The following APAF1 variants were observed in gnomAD, a reference collection of about 807,000 sequenced individuals.
APAF1 encodes apoptotic protease-activating factor 1.
A neutral mutation model predicts 152.4 loss-of-function variants in APAF1; 91 were observed. That is an observed-to-expected ratio of 0.60 (90% CI 0.50 to 0.71). The LOEUF (loss-of-function observed/expected upper bound fraction) is 0.71, where lower values mean the gene tolerates loss of function less well. Ranked by LOEUF, APAF1 falls within the 30% of genes least tolerant of loss-of-function variation. APAF1 has a pLI of 0.00. For missense variants in APAF1, 1,283 were observed against 1,472.0 expected (o/e 0.87, Z 2.10); for synonymous variants, 484 against 494.1 (o/e 0.98, Z 0.27).
chr12:98,649,082 G>A, intron 3 of APAF1: 1 of 852,522 alleles, frequency 1.2e-6, no homozygotes. Flanking sequence ...ATAGGCCCTT[G>A]TTTATTTTCC....
rs1477417715 is a variant in APAF1 at position 98,662,781 on chromosome 12, T to C, written c.930T>C (p.Ala310=). ...AGAAGGCAGATTTGCCAGAACAAGC[T>C]CATAGTATTATAAAAGAATGTAAAG... ...NMKKADLPEQ[A]HSIIKECKGS... Residue 310 remains alanine (A), a synonymous_variant, in exon 7 of 27, where the codon GCT becomes GCC. Coordinates refer to ENST00000551964, the MANE Select transcript of APAF1 (RefSeq NM_181861.2). 6.2e-7 allele frequency: 1 copy of C among 1,610,396 alleles called. No individual in the cohort carries two copies. The highest frequency in any genetic ancestry group is 8.5e-7 in the Non-Finnish European group (1 of 1,178,074).
chr12:98,727,121 A>G, intron 25 of APAF1, 52 bp from the exon 26 acceptor site: 1 of 1,579,054 alleles, frequency 6.3e-7, no homozygotes, highest in Non-Finnish European at 8.7e-7. Flanking sequence ...TTTTAAAACC[A>G]GAGAAGCTTC....
intron 16 of APAF1, among the ~76,000 whole-genome samples, chr12:98,693,550 T>C (rs938752017): frequency 6.6e-6 from 1 of 152,192 alleles, no homozygotes; most frequent in African/African-American, 2.4e-5. Flanking sequence ...ATTTGTTTAG[T>C]TTTTATATGT....
At chr12:98,697,497 G>C (rs1421122342) in intron 16 of APAF1, among the ~76,000 whole-genome samples, 1 of 152,178 alleles carries the variant, frequency 6.6e-6, no homozygotes, top group East Asian at 1.9e-4. Context: ...GTCAAACTAA[G>C]ACTTCTTCAA....
In APAF1 at chr12:98,662,460, C is replaced by G. The variant is rs537644742; in HGVS notation, c.715C>G (p.Leu239Val). The change falls in exon 6 of 27, where the codon CTC (leucine) becomes GTC (valine). Residue 239 changes from leucine (L) to valine (V), a missense_variant. Physicochemically the swap from Leu to Val is conservative, Grantham distance 32. Coordinates refer to ENST00000551964, the MANE Select transcript of APAF1 (RefSeq NM_181861.2). The stretch of plus-strand genomic sequence containing the variant: ...AATATTTTTTTTTTAAATTAGGTCT[C>G]TCTTGATCTTGGATGATGTTTGGGA... Reference protein sequence around the residue: ...ILMLRKHPRSLLILDDVWDSW... With the variant: ...ILMLRKHPRSVLILDDVWDSW... 13 of 1,609,518 alleles carry G rather than the reference C, an allele frequency of 8.1e-6. No homozygotes were observed. In the Admixed American group the frequency reaches 2.2e-4, roughly 27 times the overall value.
At chr12:98,722,899 TTG>T (rs751333239) in intron 22 of APAF1, among the ~76,000 whole-genome samples, 15 of 151,444 alleles carry the variant, frequency 9.9e-5, no homozygotes, top group African/African-American at 2.5e-4. Context: ...CACTGGCATA[TTG>T]TGTGTTTTTT....
chr12:98,649,145 T>C (rs1248422040), intron 3 of APAF1: 9 of 800,730 alleles, frequency 1.1e-5, no homozygotes, highest in Admixed American at 6.2e-5. Context: ...TTTAGAAATA[T>C]ATGTTCTTGA....
At chr12:98,658,494 C>G (rs1324423656) in intron 4 of APAF1, among the ~76,000 whole-genome samples, 2 of 152,124 alleles carry the variant, frequency 1.3e-5, no homozygotes, top group African/African-American at 4.8e-5. Flanking sequence ...GGCTAGACAG[C>G]CTTATTTCAG....
At chr12:98,666,492 A>G (rs1565864332) in intron 9 of APAF1, 135 bp downstream of exon 9, 1 of 818,962 alleles carries the variant, frequency 1.2e-6, no homozygotes, top group Non-Finnish European at 1.9e-6. Flanking sequence ...TTAACATTTT[A>G]TATAACCATA....
Position 98,686,916 on chromosome 12 carries a change from A to C in APAF1, c.2304+43A>C, listed in dbSNP as rs1331106018. 4 of 1,588,424 alleles carry C rather than the reference A, an allele frequency of 2.5e-6. No individual in the cohort carries two copies. The African/African-American group carries it at 5.4e-5, about 21-fold the overall frequency. On this transcript the variant is annotated intron_variant, in intron 16 of 26. Coordinates refer to ENST00000551964, the MANE Select transcript of APAF1 (RefSeq NM_181861.2). ...ATTAAAATAGGTTGTATTTTATGGA[A>C]AGTCTTATGATTTGATTATAGAAAT...
At chr12:98,654,273 C>T (rs2097653563) in intron 4 of APAF1, among the ~76,000 whole-genome samples, 2 of 151,896 alleles carry the variant, frequency 1.3e-5, no homozygotes, top group Admixed American at 1.3e-4. Flanking sequence ...ATTTAAATGC[C>T]CTAAATTTTT....
chr12:98,671,590 T>C lies in APAF1; in HGVS notation c.1664T>C (p.Leu555Pro), dbSNP rs776028107. The stretch of plus-strand genomic sequence containing the variant: ...TTTTTATCTTTAAATGGACACCTTC[T>C]TGGACGACAGCCATTTCCTAATATT... ...QEFLSLNGHLLGRQPFPNIVQ... is the reference protein window; with the variant it reads ...QEFLSLNGHLPGRQPFPNIVQ... Residue 555 changes from leucine (L) to proline (P), a missense_variant, in exon 12 of 27, where the codon CTT becomes CCT. Leu to Pro is a moderately conservative substitution (Grantham distance 98, BLOSUM62 -3). Coordinates refer to ENST00000551964, the MANE Select transcript of APAF1 (RefSeq NM_181861.2). 4.3e-6 allele frequency: 7 copies of C among 1,613,980 alleles called. No homozygotes were observed. Among genetic ancestry groups the C allele is most frequent in the Non-Finnish European group, 1.7e-6 (2 of 1,180,032 alleles).
intron 26 of APAF1, 70 bp downstream of exon 26, chr12:98,727,386 C>A: frequency 6.4e-7 from 1 of 1,568,394 alleles, no homozygotes; most frequent in African/African-American, 1.3e-5. Context: ...ATTTTCACTT[C>A]CTGTTTCTCA....
intron 26 of APAF1, among the ~76,000 whole-genome samples, chr12:98,731,539 T>C (rs1038735032): frequency 4.6e-5 from 7 of 152,196 alleles, no homozygotes; most frequent in South Asian, 2.1e-4. Context: ...CCAAAGTCCA[T>C]TGGGTATACT....
Position 98,732,947 on chromosome 12 carries a change from T to G in APAF1, c.*381T>G, listed in dbSNP as rs2153346324. On this transcript the variant is annotated 3_prime_UTR_variant, in exon 27 of 27. Transcript: ENST00000551964. The stretch of plus-strand genomic sequence containing the variant: ...TTATTACTGTTATGCAGGCTGTGCC[T>G]CAGGGTAGCAGTGGCCTGCTTTTTG... The G allele has an allele frequency of 4.2e-6, 1 of 238,306 alleles. No homozygotes were observed. Among genetic ancestry groups the G allele is most frequent in the East Asian group, 1.3e-4 (1 of 7,920 alleles). The allele number at this position is 238,306 out of a possible 1,614,324, so 14.8% of individuals were successfully genotyped here. A position where few individuals can be genotyped will look rare whatever the true frequency, so the allele number is the denominator to read the frequency against.
chr12:98,704,036 G>A (rs1186994933), intron 18 of APAF1, among the ~76,000 whole-genome samples: 1 of 152,066 alleles, frequency 6.6e-6, no homozygotes, highest in African/African-American at 2.4e-5. Context: ...ATACCTAGCT[G>A]GCCCTGGAAG....
chr12:98,730,823 A>G (rs1193877900), intron 26 of APAF1, among the ~76,000 whole-genome samples: 1 of 151,922 alleles, frequency 6.6e-6, no homozygotes, highest in Non-Finnish European at 1.5e-5. Flanking sequence ...TGCCAGTAAG[A>G]TAAAGTAGGT....
At chr12:98,658,420 A>G (rs1448755599) in intron 4 of APAF1, among the ~76,000 whole-genome samples, 1 of 152,186 alleles carries the variant, frequency 6.6e-6, no homozygotes, top group Non-Finnish European at 1.5e-5. Context: ...AATCCTTTAT[A>G]CTTAACATAG....
chr12:98,666,078 C>A, intron 8 of APAF1, 112 bp from the exon 9 acceptor site: 1 of 996,308 alleles, frequency 1.0e-6, no homozygotes. Context: ...GAAATGGAGA[C>A]ATTCTTACTC....
Sources: allele counts gnomAD v4.1 joint callset (sites outside exome capture counted in the v4.1 genomes callset), GRCh38; gene constraint gnomAD v4.1.1; transcripts MANE v1.5; gene names NCBI Gene and HGNC (gene_info 2026-07-23, HGNC 2026-07-21).